The following MON2 variants were observed in gnomAD, a reference collection of about 807,000 sequenced individuals.
MON2 encodes the protein MON2 regulator of endosome-to-Golgi trafficking, also known as protein MON2 homolog.
In MON2, 84 loss-of-function variants were observed where a neutral mutation model predicts 208.6. The ratio of observed to expected loss-of-function variants is 0.40; its 90% CI spans 0.34 to 0.48. The LOEUF is 0.48. Ranked by LOEUF, MON2 falls within the 20% of genes least tolerant of loss-of-function variation. The pLI is 0.59. For missense variants in MON2, 1,611 were observed against 2,015.4 expected (o/e 0.80, Z 3.84); for synonymous variants, 660 against 694.0 (o/e 0.95, Z 0.77).
chr12:62,477,987 G>A (rs959256038), intron 1 of MON2, among the ~76,000 whole-genome samples: 2 of 152,294 alleles, frequency 1.3e-5, no homozygotes, highest in Admixed American at 1.3e-4. Context: ...GCAGATAAGT[G>A]AAACTGCAAC....
intron 8 of MON2, among the ~76,000 whole-genome samples, chr12:62,520,922 G>A (rs1592943523): frequency 6.9e-6 from 1 of 145,224 alleles, no homozygotes; most frequent in African/African-American, 2.5e-5. Context: ...AAAAAGACAT[G>A]TACTTATGGG....
chr12:62,551,524 A>T (rs1291293126), intron 23 of MON2, among the ~76,000 whole-genome samples: 3 of 152,246 alleles, frequency 2.0e-5, no homozygotes, highest in Non-Finnish European at 1.5e-5. Flanking sequence ...AGTAATAATT[A>T]AAAAGTTTGA....
intron 1 of MON2, among the ~76,000 whole-genome samples, chr12:62,480,542 G>T (rs1217015819): frequency 6.6e-6 from 1 of 152,116 alleles, no homozygotes; most frequent in African/African-American, 2.4e-5. Context: ...CTTCAGCCTG[G>T]GTGACAGAGT....
chr12:62,499,517 G>A (rs893435392), intron 5 of MON2, among the ~76,000 whole-genome samples: 3 of 152,192 alleles, frequency 2.0e-5, no homozygotes, highest in South Asian at 2.1e-4. Context: ...CCAAGAGTGG[G>A]CTTCCCTCGT....
At chr12:62,525,870 G>T (rs2136191106) in intron 10 of MON2, 79 bp from the exon 11 acceptor site, 1 of 1,370,908 alleles carries the variant, frequency 7.3e-7, no homozygotes, top group African/African-American at 1.5e-5. Flanking sequence ...TTAAAGATTG[G>T]CCAGGTGTTT....
intron 25 of MON2, 138 bp from the exon 26 acceptor site, chr12:62,560,353 T>G: frequency 1.2e-6 from 1 of 841,898 alleles, no homozygotes; most frequent in South Asian, 1.8e-5. Context: ...GTTAGTACCT[T>G]AGTACCTAGT....
intron 23 of MON2, among the ~76,000 whole-genome samples, chr12:62,551,531 T>G (rs2073745201): frequency 6.6e-6 from 1 of 152,186 alleles, no homozygotes; most frequent in South Asian, 2.1e-4. Context: ...ATTAAAAAGT[T>G]TGAAATATTA....
chr12:62,539,299 G>A (rs1263474207), intron 19 of MON2, among the ~76,000 whole-genome samples: 3 of 148,882 alleles, frequency 2.0e-5, no homozygotes, highest in Admixed American at 6.7e-5. Flanking sequence ...ACGGAGTCTC[G>A]CCTTGTCGCC....
chr12:62,537,910 T>G (rs11614822), intron 16 of MON2, among the ~76,000 whole-genome samples, 186 bp from the exon 17 acceptor site: 18,335 of 152,280 alleles, frequency 0.12, 1,382 homozygotes, highest in Middle Eastern at 0.26. Flanking sequence ...TAAGCTCTGC[T>G]GCATATGTTC....
intron 7 of MON2, 99 bp downstream of exon 7, chr12:62,501,797 G>T: frequency 1.5e-6 from 2 of 1,343,728 alleles, no homozygotes; most frequent in Non-Finnish European, 1.0e-6. Context: ...CTTAAAAGTG[G>T]CAAAGAGGCC....
At chr12:62,553,529 G>A (rs557594237) in intron 24 of MON2, among the ~76,000 whole-genome samples, 32 of 152,114 alleles carry the variant, frequency 2.1e-4, no homozygotes, top group South Asian at 1.2e-3. Context: ...AGCTTTTGGG[G>A]TTTTTGTTTG....
chr12:62,500,236 A>T (rs1281301335), intron 5 of MON2, among the ~76,000 whole-genome samples: 1 of 152,194 alleles, frequency 6.6e-6, no homozygotes, highest in Non-Finnish European at 1.5e-5. Context: ...ATATTTATTC[A>T]AAACAGGCTG....
chr12:62,477,061 G>T (rs943973391), intron 1 of MON2, among the ~76,000 whole-genome samples: 44 of 152,186 alleles, frequency 2.9e-4, no homozygotes, highest in African/African-American at 1.0e-3. Context: ...GAGGCAGGAG[G>T]ATTGGTTGAG....
At chr12:62,484,415 G>C (rs981833843) in intron 2 of MON2, among the ~76,000 whole-genome samples, 182 bp downstream of exon 2, 1 of 152,116 alleles carries the variant, frequency 6.6e-6, no homozygotes, top group Non-Finnish European at 1.5e-5. Context: ...GTATTTCCCA[G>C]AGACGAATGC....
chr12:62,588,509 T>C (rs2075292794), intron 34 of MON2, among the ~76,000 whole-genome samples: 1 of 152,164 alleles, frequency 6.6e-6, no homozygotes. Flanking sequence ...TCGTACTGAT[T>C]TACTTTGCAG....
intron 19 of MON2, 87 bp downstream of exon 19, chr12:62,538,592 G>A: frequency 1.1e-6 from 1 of 877,138 alleles, no homozygotes; most frequent in Non-Finnish European, 1.8e-6. Context: ...TTTACTAGTA[G>A]AACTAACACT....
At position 62,592,718 on chromosome 12, in the gene MON2, C is replaced by A. The variant is rs866292957; in HGVS notation, c.5123C>A (p.Pro1708Gln). The change falls in exon 35 of 35, where the codon CCA (proline) becomes CAA (glutamine). Residue 1708 changes from proline (P) to glutamine (Q), a missense_variant. Pro to Gln is a moderately conservative substitution (Grantham distance 76). Transcript: ENST00000393630. ...CCTTTTAAGGATTTCATGCAGCCACCAGCATCCAGAGTTCAAAATGGAGAA... is the reference window on the plus strand; with the variant it reads ...CCTTTTAAGGATTTCATGCAGCCACAAGCATCCAGAGTTCAAAATGGAGAA... ...LVPFKDFMQP[P>Q]ASRVQNGES The A allele has an allele frequency of 6.2e-7, 1 of 1,600,256 alleles. No individual in the cohort carries two copies.
At chr12:62,525,679 A>C (rs1311041109) in intron 10 of MON2, among the ~76,000 whole-genome samples, 2 of 152,118 alleles carry the variant, frequency 1.3e-5, no homozygotes, top group Non-Finnish European at 2.9e-5. Context: ...CCCACTTCTG[A>C]TAAAAAGTGG....
At chr12:62,468,380 A>T (rs1470720846) in intron 1 of MON2, among the ~76,000 whole-genome samples, 1 of 152,094 alleles carries the variant, frequency 6.6e-6, no homozygotes, top group Non-Finnish European at 1.5e-5. Context: ...TTTACCTGCA[A>T]TTTCATTTAC....
Sources: allele counts gnomAD v4.1 joint callset (sites outside exome capture counted in the v4.1 genomes callset), GRCh38; gene constraint gnomAD v4.1.1; transcripts MANE v1.5; gene names NCBI Gene and HGNC (gene_info 2026-07-23, HGNC 2026-07-21).